PLCZ1: variants seen among roughly 807,000 people sequenced by gnomAD.
PLCZ1 encodes the protein phospholipase C zeta 1, also known as 1-phosphatidylinositol 4,5-bisphosphate phosphodiesterase zeta-1.
A neutral mutation model predicts 76.8 loss-of-function variants in PLCZ1; 64 were observed. The observed-to-expected ratio is 0.83, with a 90% CI of 0.68 to 1.03. The LOEUF (loss-of-function observed/expected upper bound fraction) is 1.03. PLCZ1 is among the 50% of genes least tolerant of loss of function. PLCZ1 has a pLI of 0.00. For missense variants in PLCZ1, 751 were observed against 713.7 expected (o/e 1.05, Z -0.60); for synonymous variants, 248 against 230.8 (o/e 1.07, Z -0.68).
chr12:18,714,915 G>A (rs1005881942), intron 5 of PLCZ1: 2 of 151,998 alleles, frequency 1.3e-5, no homozygotes, highest in Non-Finnish European at 1.5e-5. Context: ...GGAGAAGGGA[G>A]TGTCGTCCCA....
At chr12:18,683,584 C>A (rs1952649473) in intron 14 of PLCZ1, 3 of 1,456,928 alleles carry the variant, frequency 2.1e-6, no homozygotes, top group Middle Eastern at 1.8e-4. Flanking sequence ...AAATTAGCCA[C>A]CACCCTTCTG....
Position 18,705,174 on chromosome 12 carries a change from A to G in PLCZ1, c.856T>C (p.Ser286Pro). ...TCAGAAAAAAATGTTACCTCTGGTG[A>G]TGGTAGAGTATCAGGAAAATCATCA... is the stretch of plus-strand genomic sequence containing the variant. Reference protein sequence around the residue: ...MLDDFPDTLPSPEALKFKILV... With the variant: ...MLDDFPDTLPPPEALKFKILV... Residue 286 changes from serine (S) to proline (P), a missense_variant, in exon 7 of 15, where the codon TCA (serine) becomes CCA (proline). Physicochemically the swap from Ser to Pro is moderately conservative, Grantham distance 74. Coordinates refer to ENST00000266505, the MANE Select transcript of PLCZ1 (RefSeq NM_033123.4). 1 of 1,613,978 alleles carries G rather than the reference A, an allele frequency of 6.2e-7. No homozygotes were observed. The highest frequency in any genetic ancestry group is 8.5e-7 in the Non-Finnish European group (1 of 1,179,982).
At position 18,684,253 on chromosome 12, in the gene PLCZ1, A is replaced by AT; in HGVS notation, c.1617dup (p.Phe540IlefsTer18). ...TCTGGGACATGAATAATAAATGTGA[A>AT]TGTTTCATTCCATCTTGGACTAAAA... On this transcript the variant is annotated frameshift_variant, in exon 14 of 15. Transcript: ENST00000266505. LOFTEE classifies it high-confidence loss of function. 1 of 1,609,952 alleles carries AT rather than the reference A, an allele frequency of 6.2e-7. No homozygotes were observed. The highest frequency in any genetic ancestry group is 8.5e-7 in the Non-Finnish European group (1 of 1,177,002).
chr12:18,662,040 T>A, the PLCZ1 span, among the ~76,000 whole-genome samples: 205 of 152,210 alleles, frequency 1.3e-3, 1 homozygote, highest in African/African-American at 4.8e-3. Flanking sequence ...AAACCAATAC[T>A]GCGTGTTCTC....
intron 3 of PLCZ1, among the ~76,000 whole-genome samples, chr12:18,732,364 C>T (rs1353821916): frequency 6.6e-6 from 1 of 152,122 alleles, no homozygotes; most frequent in African/African-American, 2.4e-5. Flanking sequence ...GTTGTACAGA[C>T]TGGTCTCGAA....
chr12:18,661,972 A>G, the PLCZ1 span, among the ~76,000 whole-genome samples: 1 of 152,180 alleles, frequency 6.6e-6, no homozygotes, highest in African/African-American at 2.4e-5. Context: ...TTGCAGAAAC[A>G]TGAATGGAGC....
chr12:18,737,899 C>A, intron 1 of PLCZ1, 33 bp downstream of exon 1: 1 of 287,384 alleles, frequency 3.5e-6, no homozygotes, highest in Non-Finnish European at 6.5e-6. Flanking sequence ...TTCTCTAGAT[C>A]GTTGACAACA....
At chr12:18,656,177 C>T in the PLCZ1 span, among the ~76,000 whole-genome samples, 1 of 152,084 alleles carries the variant, frequency 6.6e-6, no homozygotes, top group Non-Finnish European at 1.5e-5. Context: ...ACCTGTAATC[C>T]CAGCACTTTG....
chr12:18,713,416 TA>T (rs1380706882), intron 5 of PLCZ1, among the ~76,000 whole-genome samples: 1 of 152,188 alleles, frequency 6.6e-6, no homozygotes, highest in African/African-American at 2.4e-5. Flanking sequence ...AATATATTAA[TA>T]AAATCTTATC....
At chr12:18,678,729 T>C (rs908250284), downstream of PLCZ1, among the ~76,000 whole-genome samples, 10 of 152,092 alleles carry the variant, frequency 6.6e-5, no homozygotes, top group African/African-American at 2.4e-4. Flanking sequence ...ACATCATTTG[T>C]TGTCTATTCA....
chr12:18,687,161 T>A (rs1414294631), intron 13 of PLCZ1, among the ~76,000 whole-genome samples: 1 of 152,098 alleles, frequency 6.6e-6, no homozygotes, highest in African/African-American at 2.4e-5. Context: ...GATAAGGCAA[T>A]AAAATCTTTC....
chr12:18,652,238 C>G, the PLCZ1 span, among the ~76,000 whole-genome samples: 97,569 of 151,838 alleles, frequency 0.64, 31,495 homozygotes, highest in Admixed American at 0.72. Flanking sequence ...TCCCCTAATT[C>G]GCCAGTCCCA....
At chr12:18,707,244 C>G (rs1956715758) in intron 6 of PLCZ1, among the ~76,000 whole-genome samples, 2 of 152,060 alleles carry the variant, frequency 1.3e-5, no homozygotes, top group South Asian at 4.1e-4. Context: ...TTTTTGGAAG[C>G]CCTTATTTGA....
At chr12:18,650,507 AAAATT>A in the PLCZ1 span, among the ~76,000 whole-genome samples, 25 of 150,400 alleles carry the variant, frequency 1.7e-4, no homozygotes, top group African/African-American at 6.1e-4. Context: ...TGTATGAAAA[AAAATT>A]AAGCTATTTT....
chr12:18,665,259 A>G, the PLCZ1 span, among the ~76,000 whole-genome samples: 2 of 152,056 alleles, frequency 1.3e-5, no homozygotes, highest in Non-Finnish European at 2.9e-5. Context: ...TTTAAAGGGT[A>G]TATAGACTTT....
chr12:18,737,527 A>G lies in PLCZ1; in HGVS notation c.-138-18T>C, dbSNP rs1018987246. 7 of 989,364 alleles carry G rather than the reference A, an allele frequency of 7.1e-6. No individual in the cohort carries two copies. In the African/African-American group the frequency reaches 1.4e-4, roughly 20 times the overall value. 61.3% of individuals were successfully genotyped at this position (989,364 alleles called of 1,614,324 possible). On this transcript the variant is annotated intron_variant, in intron 1 of 14. Coordinates refer to ENST00000266505, the MANE Select transcript of PLCZ1 (RefSeq NM_033123.4). ...CCACTTTTCTAGGGAGAAAGCAGAG[A>G]ACACACAGTGGTTTTTTTTGCCTTC...
At chr12:18,704,356 G>T (rs1383731262) in intron 7 of PLCZ1, among the ~76,000 whole-genome samples, 11 of 152,052 alleles carry the variant, frequency 7.2e-5, no homozygotes, top group Non-Finnish European at 8.8e-5. Flanking sequence ...AAGGAGTTTT[G>T]TTCTTTTTGC....
At chr12:18,668,917 G>A in the PLCZ1 span, among the ~76,000 whole-genome samples, 1 of 152,002 alleles carries the variant, frequency 6.6e-6, no homozygotes, top group Admixed American at 6.6e-5. Context: ...CAGCAAAGAC[G>A]AAATAAATTA....
intron 7 of PLCZ1, 98 bp from the exon 8 acceptor site, chr12:18,701,874 A>G (rs1255215798): frequency 6.7e-7 from 1 of 1,497,374 alleles, no homozygotes; most frequent in East Asian, 2.5e-5. Context: ...CAATTAGCCT[A>G]CAGTAATAAG....
Sources: gnomAD v4.1 joint callset for allele counts (sites outside exome capture counted in the v4.1 genomes callset) on GRCh38, gnomAD v4.1.1 for gene constraint, MANE v1.5 for transcripts, NCBI Gene and HGNC (gene_info 2026-07-23, HGNC 2026-07-21) for gene names.